The following GALNT17 variants were observed in gnomAD, a reference collection of about 807,000 sequenced individuals.
The protein encoded by GALNT17 is UDP-GalNAc:polypeptide N-acetylgalactosaminyltransferase-like 3.
GALNT17 carries 29 observed loss-of-function variants against 63.7 expected under a neutral mutation model. The observed-to-expected ratio is 0.46, with a 90% CI of 0.34 to 0.62. The LOEUF (loss-of-function observed/expected upper bound fraction) is 0.62. Ranked by LOEUF, GALNT17 falls within the 20% of genes least tolerant of loss-of-function variation. The pLI is 0.01. For missense variants in GALNT17, 603 were observed against 799.6 expected (o/e 0.75, Z 2.97); for synonymous variants, 305 against 318.3 (o/e 0.96, Z 0.45).
At chr7:71,257,708 A>G (rs1752805464) in intron 1 of GALNT17, among the ~76,000 whole-genome samples, 1 of 152,098 alleles carries the variant, frequency 6.6e-6, no homozygotes, top group African/African-American at 2.4e-5. Flanking sequence ...CACTGTGGGG[A>G]TGCTGGAGAT....
chr7:71,312,636 C>T (rs150794497), intron 1 of GALNT17, among the ~76,000 whole-genome samples: 11 of 152,288 alleles, frequency 7.2e-5, no homozygotes, highest in Middle Eastern at 3.4e-3. Flanking sequence ...CTCACTCCCT[C>T]TTCACACAGT....
intron 4 of GALNT17, among the ~76,000 whole-genome samples, chr7:71,416,838 C>T (rs933304292): frequency 2.6e-5 from 4 of 152,176 alleles, no homozygotes; most frequent in East Asian, 1.9e-4. Flanking sequence ...TCACATCATT[C>T]GGAGGAAGGT....
intron 1 of GALNT17, among the ~76,000 whole-genome samples, chr7:71,185,137 C>T (rs1463844257): frequency 7.0e-6 from 1 of 143,580 alleles, no homozygotes; most frequent in Non-Finnish European, 1.5e-5. Context: ...CCCCTCTCCT[C>T]CCCTCCCGTC....
intron 2 of GALNT17, among the ~76,000 whole-genome samples, chr7:71,380,618 C>T (rs1195369026): frequency 6.6e-6 from 1 of 152,134 alleles, no homozygotes; most frequent in South Asian, 2.1e-4. Context: ...ACCGCACCAA[C>T]CCAGTTTTTT....
intron 1 of GALNT17, among the ~76,000 whole-genome samples, chr7:71,187,419 T>C (rs1277105376): frequency 6.6e-6 from 1 of 151,930 alleles, no homozygotes; most frequent in Non-Finnish European, 1.5e-5. Context: ...AGATCTGGCA[T>C]AAAGACTGAG....
intron 2 of GALNT17, among the ~76,000 whole-genome samples, chr7:71,353,764 T>G (rs1197337138): frequency 6.6e-6 from 1 of 152,206 alleles, no homozygotes; most frequent in African/African-American, 2.4e-5. Flanking sequence ...GTCTCATTAC[T>G]GGTGGTGATA....
At chr7:71,185,365 C>G (rs1242329108) in intron 1 of GALNT17, among the ~76,000 whole-genome samples, 1 of 151,550 alleles carries the variant, frequency 6.6e-6, no homozygotes, top group Non-Finnish European at 1.5e-5. Context: ...GCCACCATGC[C>G]TTGCTAATTT....
At chr7:71,216,974 T>C (rs1789494022) in intron 1 of GALNT17, among the ~76,000 whole-genome samples, 1 of 152,218 alleles carries the variant, frequency 6.6e-6, no homozygotes, top group East Asian at 1.9e-4. Context: ...TTTAGTTTTA[T>C]TTTGTTTGAG....
At chr7:71,299,497 A>G (rs1031094383) in intron 1 of GALNT17, among the ~76,000 whole-genome samples, 1 of 152,160 alleles carries the variant, frequency 6.6e-6, no homozygotes, top group African/African-American at 2.4e-5. Flanking sequence ...GATTTTTCCC[A>G]GGCTCCACGC....
At chr7:71,134,875 G>C (rs899748809) in intron 1 of GALNT17, among the ~76,000 whole-genome samples, 4 of 106,250 alleles carry the variant, frequency 3.8e-5, no homozygotes, top group Non-Finnish European at 6.9e-5. Flanking sequence ...TTGAGACAGG[G>C]TCTTCTCGCT....
At chr7:71,239,304 C>CA (rs1554343108) in intron 1 of GALNT17, among the ~76,000 whole-genome samples, 74 of 150,234 alleles carry the variant, frequency 4.9e-4, no homozygotes, top group Middle Eastern at 3.4e-3. Context: ...TACCCCCCCC[C>CA]AAAAAAAAAT....
At chr7:71,486,703 T>C (rs1787915992) in intron 5 of GALNT17, among the ~76,000 whole-genome samples, 1 of 148,844 alleles carries the variant, frequency 6.7e-6, no homozygotes, top group Non-Finnish European at 1.5e-5. Context: ...AATAAGTCAA[T>C]TAAAAAAAAA....
At chr7:71,457,469 C>T (rs574076775) in intron 5 of GALNT17, among the ~76,000 whole-genome samples, 1 of 152,092 alleles carries the variant, frequency 6.6e-6, no homozygotes, top group Non-Finnish European at 1.5e-5. Context: ...AGTGAAAGCA[C>T]GTTTATTAGG....
intron 3 of GALNT17, among the ~76,000 whole-genome samples, chr7:71,409,621 C>A (rs1001600462): frequency 6.6e-6 from 1 of 152,132 alleles, no homozygotes; most frequent in Non-Finnish European, 1.5e-5. Context: ...GGCCACTTCC[C>A]AAGTACACAT....
chr7:71,566,880 G>A (rs1413122179), intron 5 of GALNT17, among the ~76,000 whole-genome samples: 1 of 152,138 alleles, frequency 6.6e-6, no homozygotes, highest in Admixed American at 6.5e-5. Context: ...TGGGTGGCCA[G>A]TCACCCCCAC....
chr7:71,686,247 G>A (rs746432846), intron 9 of GALNT17, among the ~76,000 whole-genome samples: 14 of 152,066 alleles, frequency 9.2e-5, no homozygotes, highest in East Asian at 1.9e-4. Flanking sequence ...AAGCCACGGC[G>A]CCCAGCCTGT....
chr7:71,377,206 GA>G (rs1446416276), intron 2 of GALNT17, among the ~76,000 whole-genome samples: 4 of 145,396 alleles, frequency 2.8e-5, no homozygotes, highest in African/African-American at 1.0e-4. Flanking sequence ...ACTGTACCTT[GA>G]AACTGGCATA....
chr7:71,174,219 T>C (rs1196327812), intron 1 of GALNT17, among the ~76,000 whole-genome samples: 3 of 152,002 alleles, frequency 2.0e-5, no homozygotes, highest in Non-Finnish European at 2.9e-5. Context: ...ATCTCCAGGG[T>C]CAGGGAGGCC....
At chr7:71,701,869 A>ACG (rs1791649692) in intron 9 of GALNT17, among the ~76,000 whole-genome samples, 1 of 81,098 alleles carries the variant, frequency 1.2e-5, no homozygotes, top group Non-Finnish European at 2.4e-5. Context: ...ATATATATAT[A>ACG]CATATATATA....
Sources: allele counts gnomAD v4.1 joint callset (sites outside exome capture counted in the v4.1 genomes callset), GRCh38; gene constraint gnomAD v4.1.1; transcripts MANE v1.5; gene names NCBI Gene and HGNC (gene_info 2026-07-23, HGNC 2026-07-21).